The following CAMKMT variants were observed in gnomAD, a reference collection of about 807,000 sequenced individuals.
CAMKMT encodes calmodulin-lysine N-methyltransferase.
A neutral mutation model predicts 48.0 loss-of-function variants in CAMKMT; 53 were observed. That is an observed-to-expected ratio of 1.10 (90% CI 0.89 to 1.39). The LOEUF is 1.39. CAMKMT is among the 40% of genes most tolerant of loss of function. CAMKMT has a pLI of 0.00. For missense variants in CAMKMT, 428 were observed against 402.7 expected (o/e 1.06, Z -0.54); for synonymous variants, 165 against 152.3 (o/e 1.08, Z -0.61).
At position 44,420,846 on chromosome 2, in the gene CAMKMT, G is replaced by C. The variant is rs1683889834; in HGVS notation, c.376+30541G>C. 2.7e-5 allele frequency among the ~76,000 whole-genome samples: 4 copies of C among 150,690 alleles called. No individual in the cohort carries two copies. The South Asian group carries it at 8.4e-4, about 32-fold the overall frequency. ...GCTTACTTTTTTTTTTTCCCCCCTT[G>C]GGTAATTTTTTTTAATTGTCTAAGG... On this transcript the variant is annotated intron_variant, in intron 3 of 10. Transcript: ENST00000378494.
At chr2:44,770,010 G>A (rs1326856882) in intron 10 of CAMKMT, among the ~76,000 whole-genome samples, 1 of 152,172 alleles carries the variant, frequency 6.6e-6, no homozygotes, top group Admixed American at 6.5e-5. Flanking sequence ...CAAAGACCCT[G>A]TTTTAACCTC....
chr2:44,695,699 A>C (rs1020823541), intron 3 of CAMKMT, among the ~76,000 whole-genome samples: 1 of 152,154 alleles, frequency 6.6e-6, no homozygotes, highest in African/African-American at 2.4e-5. Context: ...GCAGCATGCA[A>C]TAGCAATAAA....
rs192549926 is a variant in CAMKMT at position 44,513,645 on chromosome 2, G to A, written c.376+123340G>A. On this transcript the variant is annotated intron_variant, in intron 3 of 10. Coordinates refer to ENST00000378494, the MANE Select transcript of CAMKMT (RefSeq NM_024766.5). ...CCAAATGCGCCTTCTTCTAATCATA[G>A]CCCACAGAACTTACTTCTCTTTCCC... 7.9e-5 allele frequency among the ~76,000 whole-genome samples: 12 copies of A among 152,276 alleles called. No individual in the cohort carries two copies. In the East Asian group the frequency reaches 2.1e-3, roughly 27 times the overall value.
intron 3 of CAMKMT, among the ~76,000 whole-genome samples, chr2:44,511,349 C>T (rs146808797): frequency 3.2e-4 from 48 of 152,338 alleles, no homozygotes; most frequent in Middle Eastern, 3.4e-3. Context: ...CGTACAATGG[C>T]GCCATCTCGG....
At chr2:44,576,064 C>T (rs185675152) in intron 3 of CAMKMT, among the ~76,000 whole-genome samples, 169 of 151,948 alleles carry the variant, frequency 1.1e-3, no homozygotes, top group Non-Finnish European at 1.9e-3. Context: ...CAGTGGCTCA[C>T]GCCTGCAATC....
In CAMKMT at chr2:44,390,232, C is replaced by G. The variant is rs752588113; in HGVS notation, c.312-9C>G. ...GAATCATTAAAGCAAACGCTTTACTCCTTTCTAGGCATAATAGTGGATCCT... is the reference window on the plus strand; with the variant it reads ...GAATCATTAAAGCAAACGCTTTACTGCTTTCTAGGCATAATAGTGGATCCT... On this transcript the variant is annotated splice_polypyrimidine_tract_variant and intron_variant, in intron 2 of 10. Transcript: ENST00000378494. The G allele has an allele frequency of 4.9e-5, 78 of 1,598,832 alleles. 1 individual carries two copies. In the South Asian group the frequency reaches 8.5e-4, roughly 17 times the overall value.
At chr2:44,389,318 G>C (rs1273680437) in intron 2 of CAMKMT, among the ~76,000 whole-genome samples, 1 of 152,102 alleles carries the variant, frequency 6.6e-6, no homozygotes, top group African/African-American at 2.4e-5. Flanking sequence ...GCTAAATATA[G>C]TCACCTTTCG....
intron 3 of CAMKMT, among the ~76,000 whole-genome samples, chr2:44,397,216 T>C (rs781523486): frequency 2.0e-5 from 3 of 152,112 alleles, no homozygotes; most frequent in African/African-American, 4.8e-5. Context: ...CTTTCTTAGG[T>C]TGGGAAAGTA....
intron 3 of CAMKMT, among the ~76,000 whole-genome samples, chr2:44,552,943 G>A (rs541558584): frequency 3.3e-4 from 51 of 152,288 alleles, no homozygotes; most frequent in African/African-American, 1.2e-3. Context: ...ATATTTTAGA[G>A]GAAGGGAATA....
At chr2:44,530,254 A>G (rs1666410872) in intron 3 of CAMKMT, among the ~76,000 whole-genome samples, 1 of 152,222 alleles carries the variant, frequency 6.6e-6, no homozygotes, top group Non-Finnish European at 1.5e-5. Flanking sequence ...TTAATAAACA[A>G]AGAAAAATTC....
intron 3 of CAMKMT, among the ~76,000 whole-genome samples, chr2:44,505,211 G>A (rs1292217177): frequency 6.6e-6 from 1 of 152,036 alleles, no homozygotes; most frequent in East Asian, 1.9e-4. Context: ...AAACCATATT[G>A]AAACTAGAGC....
intron 3 of CAMKMT, among the ~76,000 whole-genome samples, chr2:44,649,610 T>C (rs1416258664): frequency 2.6e-5 from 4 of 152,062 alleles, no homozygotes; most frequent in Admixed American, 6.5e-5. Context: ...TTGATGTGGG[T>C]TGTGAAATTT....
At chr2:44,659,835 A>T (rs1316060943) in intron 3 of CAMKMT, among the ~76,000 whole-genome samples, 1 of 152,042 alleles carries the variant, frequency 6.6e-6, no homozygotes, top group African/African-American at 2.4e-5. Flanking sequence ...ATTTATTTCT[A>T]TTTTCTTAGC....
chr2:44,537,311 C>G (rs943289162), intron 3 of CAMKMT, among the ~76,000 whole-genome samples: 4 of 152,082 alleles, frequency 2.6e-5, no homozygotes, highest in Admixed American at 1.3e-4. Flanking sequence ...TCAAACAACT[C>G]AACAGTAAAA....
At chr2:44,682,582 A>G (rs921020782) in intron 3 of CAMKMT, among the ~76,000 whole-genome samples, 3 of 152,182 alleles carry the variant, frequency 2.0e-5, no homozygotes, top group African/African-American at 7.2e-5. Flanking sequence ...TATATCTATT[A>G]ACTGCCCATC....
chr2:44,656,354 TC>T (rs1674376962), intron 3 of CAMKMT, among the ~76,000 whole-genome samples: 2 of 152,020 alleles, frequency 1.3e-5, no homozygotes, highest in African/African-American at 4.8e-5. Context: ...GGAATTTTTT[TC>T]TTTTTTTTTT....
chr2:44,766,242 C>T (rs1229050486), intron 9 of CAMKMT, among the ~76,000 whole-genome samples, 188 bp from the exon 10 acceptor site: 14 of 152,276 alleles, frequency 9.2e-5, no homozygotes, highest in Admixed American at 5.2e-4. Context: ...GATGTGAAAT[C>T]GATTCTTATA....
chr2:44,378,632 T>G (rs1309336889), intron 2 of CAMKMT, among the ~76,000 whole-genome samples: 5 of 152,190 alleles, frequency 3.3e-5, no homozygotes, highest in Admixed American at 2.6e-4. Context: ...TAGCTGGGAC[T>G]ACAGGCATGT....
At chr2:44,405,463 A>C (rs1330058493) in intron 3 of CAMKMT, among the ~76,000 whole-genome samples, 1 of 152,124 alleles carries the variant, frequency 6.6e-6, no homozygotes, top group East Asian at 1.9e-4. Flanking sequence ...CATTTTAATA[A>C]AAAGAAGCTA....
Sources: allele counts gnomAD v4.1 joint callset (sites outside exome capture counted in the v4.1 genomes callset), GRCh38; gene constraint gnomAD v4.1.1; transcripts MANE v1.5; gene names NCBI Gene and HGNC (gene_info 2026-07-23, HGNC 2026-07-21).